The following CYP2B6 variants were observed in gnomAD, a reference collection of about 807,000 sequenced individuals.
CYP2B6 encodes cytochrome P450 family 2 subfamily B member 6, also known as cytochrome P450 2B6.
A neutral mutation model predicts 43.4 loss-of-function variants in CYP2B6; 35 were observed. The observed-to-expected ratio is 0.81, with a 90% CI of 0.62 to 1.07. The LOEUF (loss-of-function observed/expected upper bound fraction) is 1.07. Among genes scored for constraint, CYP2B6 ranks in the 50% least tolerant of loss-of-function variants. The pLI is 0.00. For synonymous variants in CYP2B6, 239 were observed against 239.2 expected (o/e 1.00, Z 0.01); for missense variants, 624 against 632.8 (o/e 0.99, Z 0.15).
At position 41,010,088 on chromosome 19, in the gene CYP2B6, C is replaced by T. The variant is rs34698757; in HGVS notation, c.917C>T (p.Thr306Ile). ...GCTGGCACTGAGACCACCAGCACCA[C>T]TCTCCGCTACGGCTTCCTGCTCATG... ...FFAGTETTST[T>I]LRYGFLLMLK... The change falls in exon 6 of 9, where the codon ACT becomes ATT. Residue 306 changes from threonine to isoleucine, a missense_variant. Transcript: ENST00000324071. 44 of 1,613,982 alleles carry T rather than the reference C, an allele frequency of 2.7e-5. No individual in the cohort carries two copies. The highest frequency in any genetic ancestry group is 3.7e-5 in the Non-Finnish European group (44 of 1,180,038).
Position 41,016,658 on chromosome 19 carries a change from G to T in CYP2B6, c.1307G>T (p.Cys436Phe). The T allele has an allele frequency of 6.2e-7, 1 of 1,614,174 alleles. No individual in the cohort carries two copies. Among genetic ancestry groups the T allele is most frequent in the Non-Finnish European group, 8.5e-7 (1 of 1,180,008 alleles). Residue 436 changes from cysteine (C) to phenylalanine (F), a missense_variant, in exon 9 of 9, where the codon TGT becomes TTT. Cys to Phe is a radical substitution (Grantham distance 205). Transcript: ENST00000324071. ...FIPFSLGKRI[C>F]LGEGIARAEL... ...TCTGTGTCCACAGGGAAGCGGATTT[G>T]TCTTGGTGAAGGCATCGCCCGTGCG...
intron 4 of CYP2B6, 26 bp downstream of exon 4, chr19:41,007,091 G>T (rs1431322720): frequency 6.2e-7 from 1 of 1,613,316 alleles, no homozygotes; most frequent in Non-Finnish European, 8.5e-7. Context: ...AGGGACAGGG[G>T]GTGTGGGGGT....
intron 3 of CYP2B6, among the ~76,000 whole-genome samples, chr19:41,005,539 G>C (rs186704194): frequency 1.3e-5 from 2 of 152,160 alleles, no homozygotes; most frequent in East Asian, 3.9e-4. Flanking sequence ...CCAGCACTTT[G>C]GGAGGCTGAG....
chr19:40,995,697 A>G (rs1207690720), intron 1 of CYP2B6, among the ~76,000 whole-genome samples: 1 of 152,188 alleles, frequency 6.6e-6, no homozygotes, highest in Non-Finnish European at 1.5e-5. Flanking sequence ...TTTACAAGAG[A>G]TCTATCTATG....
At chr19:40,994,727 C>G (rs536960995) in intron 1 of CYP2B6, among the ~76,000 whole-genome samples, 1 of 152,092 alleles carries the variant, frequency 6.6e-6, no homozygotes, top group South Asian at 2.1e-4. Flanking sequence ...GCAAAATATG[C>G]CTTTTGCAGC....
intron 8 of CYP2B6, among the ~76,000 whole-genome samples, chr19:41,016,371 G>A (rs1449646197): frequency 7.8e-6 from 1 of 128,562 alleles, no homozygotes; most frequent in Non-Finnish European, 1.6e-5. Context: ...CTGTGCTCCA[G>A]TCTGGGTGAC....
chr19:41,007,153 A>C, intron 4 of CYP2B6, 88 bp downstream of exon 4: 1 of 1,318,434 alleles, frequency 7.6e-7, no homozygotes, highest in Non-Finnish European at 1.1e-6. Context: ...TTGGGGGCTC[A>C]GAAATGCAGC....
intron 1 of CYP2B6, among the ~76,000 whole-genome samples, chr19:40,997,190 G>A (rs974917838): frequency 6.6e-6 from 1 of 152,042 alleles, no homozygotes; most frequent in Non-Finnish European, 1.5e-5. Context: ...GGGAGAGCAG[G>A]AGAGGAGTGT....
chr19:40,993,578 C>T (rs1968955481), intron 1 of CYP2B6, among the ~76,000 whole-genome samples: 1 of 152,110 alleles, frequency 6.6e-6, no homozygotes, highest in South Asian at 2.1e-4. Context: ...ATCCAGTTAC[C>T]TCCTACTAGG....
intron 1 of CYP2B6, among the ~76,000 whole-genome samples, chr19:40,995,067 G>T (rs1968981089): frequency 6.6e-6 from 1 of 152,080 alleles, no homozygotes; most frequent in Non-Finnish European, 1.5e-5. Flanking sequence ...TAGAGTATAA[G>T]CCTTTGCTAA....
rs373065231 is a variant in CYP2B6 at position 40,995,451 on chromosome 19, T to C, written c.171+3975T>C. Among the ~76,000 whole-genome samples the C allele has an allele frequency of 3.9e-5, 6 of 152,278 alleles. No homozygotes were observed. In the East Asian group the frequency reaches 9.7e-4, roughly 24 times the overall value. On this transcript the variant is annotated intron_variant, in intron 1 of 8. Transcript: ENST00000324071. Reference sequence around the variant, plus strand: ...AAGAACTTGGTACGGTCTCTTCCAATGGAGTTCAAGGACAGTTTGTCTGGT... The same window carrying C: ...AAGAACTTGGTACGGTCTCTTCCAACGGAGTTCAAGGACAGTTTGTCTGGT...
intron 5 of CYP2B6, chr19:41,009,662 G>A: frequency 1.6e-6 from 1 of 607,002 alleles, no homozygotes; most frequent in Non-Finnish European, 2.9e-6. Flanking sequence ...AGAGAGAGAA[G>A]ACTGGCTGAG....
At chr19:41,013,564 T>G (rs909404504) in intron 8 of CYP2B6, among the ~76,000 whole-genome samples, 1 of 152,134 alleles carries the variant, frequency 6.6e-6, no homozygotes, top group Non-Finnish European at 1.5e-5. Flanking sequence ...GGAAGTCCAG[T>G]GAGCCTTGGG....
At position 40,991,450 on chromosome 19, in the gene CYP2B6, AG is replaced by A. The variant is rs779942397; in HGVS notation, c.146del (p.Arg49LysfsTer8). ...GGGAAACCTTCTGCAGATGGATAGA[AG>A]AGGCCTACTCAAATCCTTTCTGAGG... Reference protein sequence around the residue: ...LLGNLLQMDRRGLLKSFLRFR... With the variant: ...LLGNLLQMDRXGLLKSFLRFR... On this transcript the variant is annotated frameshift_variant, in exon 1 of 9. Coordinates refer to ENST00000324071, the MANE Select transcript of CYP2B6 (RefSeq NM_000767.5). LOFTEE classifies it high-confidence loss of function. 1.9e-6 allele frequency: 3 copies of A among 1,613,964 alleles called. No individual in the cohort carries two copies. In the East Asian group the frequency reaches 6.7e-5, roughly 36 times the overall value.
At position 41,018,222 on chromosome 19, in the gene CYP2B6, C is replaced by T. The variant is rs1229552150; in HGVS notation, c.*1395C>T. On this transcript the variant is annotated 3_prime_UTR_variant, in exon 9 of 9. Transcript: ENST00000324071. Reference sequence around the variant, plus strand: ...CACAGTCACACACTGCTGTAGTCTTCCCCAGTCCTCATTCCCAGCTGCCTC... The same window carrying T: ...CACAGTCACACACTGCTGTAGTCTTTCCCAGTCCTCATTCCCAGCTGCCTC... The T allele has an allele frequency of 6.6e-6, 1 of 152,292 alleles. No homozygotes were observed. The highest frequency in any genetic ancestry group is 1.5e-5 in the Non-Finnish European group (1 of 68,078). The allele number at this position is 152,292 out of a possible 1,614,324, so 9.4% of individuals were successfully genotyped here.
At chr19:40,992,311 C>A (rs558073721) in intron 1 of CYP2B6, among the ~76,000 whole-genome samples, 3 of 151,926 alleles carry the variant, frequency 2.0e-5, no homozygotes, top group East Asian at 1.9e-4. Flanking sequence ...CCCTTTTGGT[C>A]AGCCTCAAAA....
intron 8 of CYP2B6, 131 bp downstream of exon 8, chr19:41,012,946 A>G (rs778286943): frequency 1.4e-5 from 15 of 1,074,936 alleles, no homozygotes; most frequent in Non-Finnish European, 2.0e-5. Flanking sequence ...GCCTTATCCC[A>G]TTCCATCTTC....
intron 1 of CYP2B6, among the ~76,000 whole-genome samples, chr19:41,000,742 A>C (rs1321367318): frequency 6.6e-6 from 1 of 152,080 alleles, no homozygotes; most frequent in Non-Finnish European, 1.5e-5. Context: ...CCCTCATCTT[A>C]GAATTAGGGA....
At chr19:41,006,150 G>T (rs1969180048) in intron 3 of CYP2B6, among the ~76,000 whole-genome samples, 1 of 151,916 alleles carries the variant, frequency 6.6e-6, no homozygotes, top group Non-Finnish European at 1.5e-5. Context: ...TGGAAAGATG[G>T]TTTTTTATTT....
Sources: allele counts gnomAD v4.1 joint callset (sites outside exome capture counted in the v4.1 genomes callset), GRCh38; gene constraint gnomAD v4.1.1; transcripts MANE v1.5; gene names NCBI Gene and HGNC (gene_info 2026-07-23, HGNC 2026-07-21).